RBMS3: variants seen among roughly 807,000 people sequenced by gnomAD.
The protein encoded by RBMS3 is RNA-binding motif, single-stranded-interacting protein 3.
A neutral mutation model predicts 66.8 loss-of-function variants in RBMS3; 27 were observed. The observed-to-expected ratio is 0.40, with a 90% CI of 0.30 to 0.56. The LOEUF (loss-of-function observed/expected upper bound fraction) is 0.56, where lower values mean the gene tolerates loss of function less well. RBMS3 is among the 20% of genes least tolerant of loss of function. The pLI, the probability that RBMS3 is intolerant of heterozygous loss-of-function variation, is 0.40. For synonymous variants in RBMS3, 188 were observed against 183.0 expected, an observed-to-expected ratio of 1.03 and a Z score of -0.22; for missense variants, 513 against 549.5, an observed-to-expected ratio of 0.93 and a Z score of 0.66.
intron 6 of RBMS3, among the ~76,000 whole-genome samples, chr3:29,806,638 G>A (rs1313717898): frequency 6.6e-6 from 1 of 151,832 alleles, no homozygotes; most frequent in African/African-American, 2.4e-5. Flanking sequence ...GAAGATAAAG[G>A]TTGCTTTAGT....
chr3:29,869,039 T>C (rs917330038), intron 7 of RBMS3, 75 bp downstream of exon 7: 3 of 1,233,202 alleles, frequency 2.4e-6, no homozygotes, highest in South Asian at 1.5e-5. Context: ...GGCAGACGTA[T>C]GGTGCCATGA....
chr3:29,286,734 T>G (rs1245505136), intron 1 of RBMS3, among the ~76,000 whole-genome samples: 1 of 152,122 alleles, frequency 6.6e-6, no homozygotes, highest in Admixed American at 6.6e-5. Flanking sequence ...TGCACTAGTA[T>G]GATTTTACAC....
chr3:29,379,956 T>TA (rs1218365190), intron 1 of RBMS3, among the ~76,000 whole-genome samples: 1 of 152,076 alleles, frequency 6.6e-6, no homozygotes, highest in Non-Finnish European at 1.5e-5. Context: ...AGGACACTCT[T>TA]AAAAAATGGC....
chr3:29,659,862 G>A (rs926177055), intron 4 of RBMS3, among the ~76,000 whole-genome samples: 1 of 151,952 alleles, frequency 6.6e-6, no homozygotes, highest in Admixed American at 6.6e-5. Flanking sequence ...GTGCACCAAG[G>A]GTTCTTATTT....
chr3:29,604,179 AAATC>A (rs1245589932), intron 4 of RBMS3, among the ~76,000 whole-genome samples: 5 of 151,980 alleles, frequency 3.3e-5, no homozygotes, highest in African/African-American at 7.2e-5. Context: ...GCATTTTAAA[AAATC>A]AATCTTAATT....
intron 3 of RBMS3, among the ~76,000 whole-genome samples, chr3:29,568,584 T>C (rs1175989360): frequency 6.6e-6 from 1 of 152,200 alleles, no homozygotes; most frequent in Non-Finnish European, 1.5e-5. Flanking sequence ...AGAATTTAGG[T>C]AGTGTTATTA....
chr3:29,343,462 G>GA (rs999699791), intron 1 of RBMS3, among the ~76,000 whole-genome samples: 3 of 150,720 alleles, frequency 2.0e-5, no homozygotes, highest in East Asian at 3.9e-4. Flanking sequence ...CTTGCTACTT[G>GA]AAAAAAAAAT....
At chr3:29,435,018 T>C (rs2041346135) in intron 2 of RBMS3, 103 bp downstream of exon 2, 2 of 1,172,186 alleles carry the variant, frequency 1.7e-6, no homozygotes, top group African/African-American at 1.6e-5. Flanking sequence ...GGTGTCTCAG[T>C]GAGGAAGACT....
intron 4 of RBMS3, among the ~76,000 whole-genome samples, chr3:29,726,347 A>G (rs139537475): frequency 0.01 from 1,561 of 152,316 alleles, 31 homozygotes; most frequent in African/African-American, 0.036. Flanking sequence ...TAGTATTGGA[A>G]GTTCTGGCCA....
intron 6 of RBMS3, among the ~76,000 whole-genome samples, chr3:29,834,197 T>C (rs887527580): frequency 4.6e-5 from 7 of 151,958 alleles, no homozygotes; most frequent in Admixed American, 1.3e-4. Flanking sequence ...CAAGAAATGG[T>C]AAAGGGAGTT....
chr3:29,392,886 T>C (rs2039366723), intron 1 of RBMS3, among the ~76,000 whole-genome samples: 1 of 149,690 alleles, frequency 6.7e-6, no homozygotes, highest in South Asian at 2.1e-4. Flanking sequence ...CATTATAAGA[T>C]GGCATAGTGT....
At chr3:29,935,067 A>T (rs1227210761) in intron 10 of RBMS3, among the ~76,000 whole-genome samples, 1 of 152,140 alleles carries the variant, frequency 6.6e-6, no homozygotes, top group East Asian at 1.9e-4. Flanking sequence ...GTTATAAAAT[A>T]TGTTTCTACT....
At chr3:29,498,672 G>A (rs1415904019) in intron 3 of RBMS3, among the ~76,000 whole-genome samples, 1 of 152,094 alleles carries the variant, frequency 6.6e-6, no homozygotes, top group East Asian at 1.9e-4. Context: ...GTCAAGTGAG[G>A]TTATCTACAC....
intron 7 of RBMS3, among the ~76,000 whole-genome samples, chr3:29,877,974 A>G (rs559674087): frequency 6.6e-6 from 1 of 152,102 alleles, no homozygotes; most frequent in South Asian, 2.1e-4. Flanking sequence ...CATTCTTGGC[A>G]TTAGGAACTG....
intron 3 of RBMS3, among the ~76,000 whole-genome samples, chr3:29,525,898 GTGT>G (rs1178853432): frequency 6.6e-6 from 1 of 152,166 alleles, no homozygotes; most frequent in Non-Finnish European, 1.5e-5. Flanking sequence ...TATCTCTGAA[GTGT>G]TGTTTTCCAG....
intron 2 of RBMS3, 50 bp downstream of exon 2, chr3:29,434,965 T>C (rs776572761): frequency 1.1e-5 from 17 of 1,552,650 alleles, no homozygotes; most frequent in Non-Finnish European, 1.5e-5. Context: ...ATACTTGCCT[T>C]GGTGGGCAGG....
intron 1 of RBMS3, among the ~76,000 whole-genome samples, chr3:29,289,801 A>G (rs17023178): frequency 0.019 from 2,834 of 151,962 alleles, 91 homozygotes; most frequent in African/African-American, 0.064. Flanking sequence ...TTTTAGACTT[A>G]ACTTTCCTAT....
At chr3:29,375,305 T>G (rs1231217691) in intron 1 of RBMS3, among the ~76,000 whole-genome samples, 1 of 152,176 alleles carries the variant, frequency 6.6e-6, no homozygotes, top group East Asian at 1.9e-4. Flanking sequence ...CAGGCAAGTA[T>G]TTCATGATGA....
At chr3:29,745,069 A>G (rs2054824656) in intron 5 of RBMS3, among the ~76,000 whole-genome samples, 1 of 152,186 alleles carries the variant, frequency 6.6e-6, no homozygotes, top group South Asian at 2.1e-4. Flanking sequence ...CTTCTTTGAT[A>G]ACCATCTCTT....
Sources: gnomAD v4.1 joint callset for allele counts (sites outside exome capture counted in the v4.1 genomes callset) on GRCh38, gnomAD v4.1.1 for gene constraint, MANE v1.5 for transcripts, NCBI Gene and HGNC (gene_info 2026-07-23, HGNC 2026-07-21) for gene names.